MS4A8: variants seen among roughly 807,000 people sequenced by gnomAD.
MS4A8 encodes the protein membrane-spanning 4-domains subfamily A member 8.
Under a neutral mutation model 23.7 loss-of-function variants are expected in MS4A8, and 27 were observed. That is an observed-to-expected ratio of 1.14 (90% confidence interval 0.84 to 1.57). The LOEUF (loss-of-function observed/expected upper bound fraction) is 1.57. Among genes scored for constraint, MS4A8 ranks in the 40% most tolerant of loss-of-function variants. The pLI is 0.00. For synonymous variants in MS4A8, 138 were observed against 126.3 expected (o/e 1.09, Z -0.62); for missense variants, 301 against 311.4 (o/e 0.97, Z 0.25).
At chr11:60,702,260 A>G (rs374174298) in intron 2 of MS4A8, among the ~76,000 whole-genome samples, 32 of 152,348 alleles carry the variant, frequency 2.1e-4, no homozygotes, top group African/African-American at 7.2e-4. Context: ...AAATCATCTA[A>G]CACAAAGCCT....
chr11:60,715,683 C>T lies in MS4A8; in HGVS notation c.*269C>T. On this transcript the variant is annotated 3_prime_UTR_variant, in exon 7 of 7. Transcript: ENST00000300226. ...ATATGTGGGCATCCAGCCTCTGGGG[C>T]CTTGGCACACACACATTCGTGTGCT... 1 of 448,564 alleles carries T rather than the reference C, an allele frequency of 2.2e-6. No individual in the cohort carries two copies. Among genetic ancestry groups the T allele is most frequent in the Middle Eastern group, 6.4e-4 (1 of 1,564 alleles). The allele number at this position is 448,564 out of a possible 1,614,324, so 27.8% of individuals were successfully genotyped here. A position where few individuals can be genotyped will look rare whatever the true frequency, so the allele number is the denominator to read the frequency against.
At chr11:60,713,477 C>T (rs981194976) in intron 5 of MS4A8, among the ~76,000 whole-genome samples, 2 of 152,150 alleles carry the variant, frequency 1.3e-5, no homozygotes, top group African/African-American at 4.8e-5. Context: ...AAGTGCTGTG[C>T]TTTTGATGTG....
intron 4 of MS4A8, 87 bp downstream of exon 4, chr11:60,707,134 TC>T: frequency 8.1e-7 from 1 of 1,232,328 alleles, no homozygotes; most frequent in Non-Finnish European, 1.2e-6. Flanking sequence ...ATACGATTCC[TC>T]CCCCAGCCTT....
intron 3 of MS4A8, 94 bp downstream of exon 3, chr11:60,703,594 A>G: frequency 6.9e-7 from 1 of 1,454,720 alleles, no homozygotes; most frequent in East Asian, 2.5e-5. Context: ...GCCCTGCAGA[A>G]GGTTCCCAGC....
Position 60,708,907 on chromosome 11 carries a change from ATAG to A in MS4A8, c.534+127_534+129del. On this transcript the variant is annotated intron_variant, in intron 5 of 6. Transcript: ENST00000300226. ...GGTAGGAAAAGGAGGTGCTTTCAGC[ATAG>A]GAACAAATTTTAAAGTCCTTGACCC... is the stretch of plus-strand genomic sequence containing the variant. 3 of 1,179,728 alleles carry A rather than the reference ATAG, an allele frequency of 2.5e-6. No individual in the cohort carries two copies. In the South Asian group the frequency reaches 3.9e-5, roughly 15 times the overall value. 73.1% of individuals were successfully genotyped at this position (1,179,728 alleles called of 1,614,324 possible).
chr11:60,713,792 A>C (rs914277491), intron 5 of MS4A8, among the ~76,000 whole-genome samples: 2 of 151,858 alleles, frequency 1.3e-5, no homozygotes, highest in Non-Finnish European at 2.9e-5. Flanking sequence ...CATGGGGAGA[A>C]ACCTTGGAAA....
At chr11:60,713,909 C>CTT (rs1170997070) in intron 5 of MS4A8, among the ~76,000 whole-genome samples, 66 of 101,910 alleles carry the variant, frequency 6.5e-4, no homozygotes, top group African/African-American at 8.8e-4. Context: ...GGTGATGACT[C>CTT]TTTTTTTTTT....
At chr11:60,704,119 T>A in intron 3 of MS4A8, among the ~76,000 whole-genome samples, 1 of 132,100 alleles carries the variant, frequency 7.6e-6, no homozygotes, top group Non-Finnish European at 1.5e-5. Context: ...CTTTTTACTT[T>A]TTTTTTTTTT....
chr11:60,700,914 A>T lies in MS4A8; in HGVS notation c.54A>T (p.Ala18=). ...TGGCCAATTCTGTGTTGGTGGTGGC[A>T]CCCCACAATGGTTATCCTGTGACCC... The part of the protein sequence containing the change: ...VPVANSVLVV[A]PHNGYPVTPG... The change falls in exon 2 of 7, where the codon GCA becomes GCT. Residue 18 remains alanine, a synonymous_variant. Transcript: ENST00000300226. 1 of 1,614,144 alleles carries T rather than the reference A, an allele frequency of 6.2e-7. No homozygotes were observed. Among genetic ancestry groups the T allele is most frequent in the Non-Finnish European group, 8.5e-7 (1 of 1,180,014 alleles).
At chr11:60,713,846 T>A (rs944865014) in intron 5 of MS4A8, among the ~76,000 whole-genome samples, 2 of 151,146 alleles carry the variant, frequency 1.3e-5, no homozygotes, top group African/African-American at 2.4e-5. Context: ...CCTTCCGCAG[T>A]GTTTTGTGTC....
At chr11:60,709,830 A>C (rs1049446855) in intron 5 of MS4A8, among the ~76,000 whole-genome samples, 23 of 152,244 alleles carry the variant, frequency 1.5e-4, no homozygotes, top group Non-Finnish European at 3.2e-4. Context: ...CTTAAAAAAC[A>C]AACCAACCCA....
At chr11:60,701,690 C>A (rs1177294414) in intron 2 of MS4A8, among the ~76,000 whole-genome samples, 1 of 152,172 alleles carries the variant, frequency 6.6e-6, no homozygotes, top group African/African-American at 2.4e-5. Flanking sequence ...GCCAAATTTA[C>A]AAAATATCCA....
intron 4 of MS4A8, among the ~76,000 whole-genome samples, chr11:60,707,822 T>C (rs2088269608): frequency 7.5e-6 from 1 of 132,768 alleles, no homozygotes; most frequent in Admixed American, 7.4e-5. Flanking sequence ...CTTTTTTTTT[T>C]TTTTTTTTTT....
chr11:60,708,603 C>T, intron 4 of MS4A8, 47 bp from the exon 5 acceptor site: 2 of 1,480,432 alleles, frequency 1.4e-6, no homozygotes, highest in East Asian at 2.4e-5. Flanking sequence ...TTCATCTCAG[C>T]TATAACAGCT....
chr11:60,708,841 T>A (rs369232269), intron 5 of MS4A8, 60 bp downstream of exon 5: 97 of 1,601,476 alleles, frequency 6.1e-5, no homozygotes, highest in East Asian at 4.9e-4. Flanking sequence ...TTTAGAAAAC[T>A]CCCAGAAAGG....
chr11:60,703,324 G>C (rs953737789), intron 2 of MS4A8, 54 bp from the exon 3 acceptor site: 5 of 1,464,474 alleles, frequency 3.4e-6, no homozygotes, highest in Non-Finnish European at 4.5e-6. Context: ...GGCTCATAGG[G>C]GAGGCAGGAC....
intron 1 of MS4A8, 39 bp from the exon 2 acceptor site, chr11:60,700,821 T>C (rs947417644): frequency 1.9e-6 from 3 of 1,605,502 alleles, no homozygotes; most frequent in Non-Finnish European, 2.6e-6. Flanking sequence ...GACAAGTCCA[T>C]ATGTGAGGGA....
chr11:60,708,706 C>A lies in MS4A8; in HGVS notation c.459C>A (p.Val153=). The change falls in exon 5 of 7, where the codon GTC becomes GTA. Residue 153 remains valine, a synonymous_variant. Transcript: ENST00000300226. ...IVSAICSAVG[V]ILFITDLSIP... is the part of the protein sequence containing the mutation. ...GTGCAATCTGCTCTGCAGTTGGAGT[C>A]ATACTCTTCATCACAGATCTAAGTA... is the stretch of plus-strand genomic sequence containing the variant. 1 of 1,607,012 alleles carries A rather than the reference C, an allele frequency of 6.2e-7. No homozygotes were observed. Among genetic ancestry groups the A allele is most frequent in the South Asian group, 1.1e-5 (1 of 89,430 alleles).
At chr11:60,704,563 C>T (rs199534519) in intron 3 of MS4A8, among the ~76,000 whole-genome samples, 1 of 152,116 alleles carries the variant, frequency 6.6e-6, no homozygotes, top group Non-Finnish European at 1.5e-5. Context: ...AGAGTGGCTT[C>T]CCAGCTGTAG....
Sources: gnomAD v4.1 joint callset for allele counts (sites outside exome capture counted in the v4.1 genomes callset) on GRCh38, gnomAD v4.1.1 for gene constraint, MANE v1.5 for transcripts, NCBI Gene and HGNC (gene_info 2026-07-23, HGNC 2026-07-21) for gene names.